The following COL5A3 variants were observed in gnomAD, a reference collection of about 807,000 sequenced individuals.
COL5A3 encodes the protein collagen alpha-3(V) chain.
Under a neutral mutation model 250.0 loss-of-function variants are expected in COL5A3, and 172 were observed. The ratio of observed to expected loss-of-function variants is 0.69; its 90% CI spans 0.61 to 0.78. The LOEUF is 0.78. Among genes scored for constraint, COL5A3 ranks in the 30% least tolerant of loss-of-function variants. COL5A3 has a pLI of 0.00. For missense variants in COL5A3, 2,340 were observed against 2,334.4 expected (o/e 1.00, Z -0.05); for synonymous variants, 937 against 900.4 (o/e 1.04, Z -0.73).
At chr19:9,996,286 C>T in intron 13 of COL5A3, 24 bp from the exon 14 acceptor site, 1 of 1,554,394 alleles carries the variant, frequency 6.4e-7, no homozygotes, top group Non-Finnish European at 8.7e-7. Flanking sequence ...GGAGTCAGAG[C>T]TTGGGGCCTC....
Position 9,969,862 on chromosome 19 carries a change from G to A in COL5A3, c.3990+7C>T. 1.2e-6 allele frequency: 2 copies of A among 1,613,864 alleles called. No homozygotes were observed. The highest frequency in any genetic ancestry group is 1.7e-6 in the Non-Finnish European group (2 of 1,179,896). On this transcript the variant is annotated splice_region_variant and intron_variant, in intron 55 of 66. Transcript: ENST00000264828. ...CAGGGACCCTTCCCCTTGCCAGGGG[G>A]ACTCACCTTGGCACCTTTCTCCCCT...
At chr19:9,990,552 A>G (rs1376919609) in intron 24 of COL5A3, among the ~76,000 whole-genome samples, 2 of 149,448 alleles carry the variant, frequency 1.3e-5, no homozygotes, top group Admixed American at 1.3e-4. Flanking sequence ...GTACCCACAA[A>G]GATAATAAAT....
chr19:9,973,729 G>A (rs368061298), intron 49 of COL5A3, 27 bp downstream of exon 49: 303 of 1,613,776 alleles, frequency 1.9e-4, no homozygotes, highest in Non-Finnish European at 2.3e-4. Flanking sequence ...TCTTCCCCCC[G>A]TGCAGCCCCT....
chr19:9,987,907 C>T (rs772529642), intron 27 of COL5A3, among the ~76,000 whole-genome samples: 2 of 152,222 alleles, frequency 1.3e-5, no homozygotes, highest in South Asian at 2.1e-4. Context: ...TATATTCCAG[C>T]CTGGGCAACA....
At chr19:9,985,217 T>G (rs528472667) in intron 31 of COL5A3, among the ~76,000 whole-genome samples, 88 of 150,602 alleles carry the variant, frequency 5.8e-4, no homozygotes, top group African/African-American at 2.0e-3. Context: ...TCCCAAAGCG[T>G]TGGGATTACA....
Position 9,974,178 on chromosome 19 carries a change from C to T in COL5A3, c.3497G>A (p.Gly1166Glu). 1 of 1,614,012 alleles carries T rather than the reference C, an allele frequency of 6.2e-7. No homozygotes were observed. Among genetic ancestry groups the T allele is most frequent in the Non-Finnish European group, 8.5e-7 (1 of 1,179,962 alleles). Residue 1166 changes from glycine (G) to glutamate (E), a missense_variant, in exon 47 of 67, where the codon GGG becomes GAG. Gly to Glu is a moderately conservative substitution (Grantham distance 98). Coordinates refer to ENST00000264828, the MANE Select transcript of COL5A3 (RefSeq NM_015719.4). Reference protein sequence around the residue: ...PGEKGEVGDVGSMGPHGAPGP... With the variant: ...PGEKGEVGDVESMGPHGAPGP... ...TCCTCTGGGAGTGCATACCATGGAC[C>T]CGACGTCTCCGACCTCCCCTTTCTC...
rs375273192 is a variant in COL5A3 at position 10,006,274 on chromosome 19, A to G, written c.89-43T>C. The G allele has an allele frequency of 9.1e-6, 14 of 1,546,228 alleles. No homozygotes were observed. In the African/African-American group the frequency reaches 1.9e-4, roughly 21 times the overall value. ...CGGGGGTGTCAGGCAGAGGTGGGGA[A>G]CAGCTAGAATAAGCCCAGGACTCCA... On this transcript the variant is annotated intron_variant, in intron 1 of 66. Transcript: ENST00000264828.
Position 9,978,898 on chromosome 19 carries a change from C to T in COL5A3, c.2957G>A (p.Gly986Glu). The T allele has an allele frequency of 1.4e-6, 2 of 1,477,920 alleles. No individual in the cohort carries two copies. The highest frequency in any genetic ancestry group is 1.5e-5 in the South Asian group (1 of 66,822). 91.6% of individuals were successfully genotyped at this position (1,477,920 alleles called of 1,614,324 possible). The change falls in exon 40 of 67, where the codon GGG (glycine) becomes GAG (glutamate). Residue 986 changes from glycine to glutamate, a missense_variant. Around this residue, in one of 3 missense-constraint regions of COL5A3, gnomAD observed 1,179 missense variants for 1,162.6 expected, o/e 1.01. Coordinates refer to ENST00000264828, the MANE Select transcript of COL5A3 (RefSeq NM_015719.4). ...GTCTCCAAAGATACTCACCGGGTCC[C>T]CAGGGCCCCCTTTGGGGCCGGGAAA... ...RGFPGPKGGP[G>E]DPGPTGLKGD...
At chr19:10,002,020 A>C in intron 6 of COL5A3, 139 bp from the exon 7 acceptor site, 1 of 621,832 alleles carries the variant, frequency 1.6e-6, no homozygotes. Context: ...CCAGAGGCCA[A>C]TGGAGACAAA....
chr19:9,977,265 G>A lies in COL5A3; in HGVS notation c.3252C>T (p.Pro1084=), dbSNP rs778448979. ...TATCGCCTTTACTCCCCTTGTGTCC[G>A]GGGGCACCCACATCCCCCTGCAGAG... ...EEGDKGDVGA[P]GHKGSKGDKG... Residue 1084 remains proline, a synonymous_variant, in exon 44 of 67, where the codon CCC becomes CCT. Transcript: ENST00000264828. 20 of 1,613,864 alleles carry A rather than the reference G, an allele frequency of 1.2e-5. No homozygotes were observed. Among genetic ancestry groups the A allele is most frequent in the South Asian group, 4.4e-5 (4 of 91,062 alleles).
At chr19:9,999,371 A>T (rs11085523) in intron 8 of COL5A3, among the ~76,000 whole-genome samples, 52,068 of 126,068 alleles carry the variant, frequency 0.41, 9,435 homozygotes, top group African/African-American at 0.55. Flanking sequence ...TTTTTATTTT[A>T]TTTTTTTGTA....
chr19:9,978,560 G>A lies in COL5A3; in HGVS notation c.3018+14C>T. 1 of 1,566,018 alleles carries A rather than the reference G, an allele frequency of 6.4e-7. No homozygotes were observed. The highest frequency in any genetic ancestry group is 8.8e-7 in the Non-Finnish European group (1 of 1,142,712). On this transcript the variant is annotated intron_variant, in intron 41 of 66. Transcript: ENST00000264828. ...TCCACCCTGCCCCCACCCAGCACAT[G>A]GGGTTATACTTACATTGGCCCCCAC... is the stretch of plus-strand genomic sequence containing the variant.
At chr19:9,983,119 T>A (rs945819718) in intron 31 of COL5A3, among the ~76,000 whole-genome samples, 2 of 151,990 alleles carry the variant, frequency 1.3e-5, no homozygotes, top group African/African-American at 4.8e-5. Flanking sequence ...CCTCAGCCTC[T>A]GAAAGTGCTG....
chr19:9,998,507 C>T (rs929300799), intron 8 of COL5A3, among the ~76,000 whole-genome samples: 4 of 152,096 alleles, frequency 2.6e-5, no homozygotes, highest in African/African-American at 4.8e-5. Context: ...GGATGAATGA[C>T]GCCTGTGTAT....
chr19:9,979,340 G>A (rs1398171917), intron 38 of COL5A3, 24 bp downstream of exon 38: 1 of 1,613,988 alleles, frequency 6.2e-7, no homozygotes, highest in African/African-American at 1.3e-5. Context: ...CAAAACAAGG[G>A]AGGTTTATGG....
At position 9,974,373 on chromosome 19, in the gene COL5A3, T is replaced by C. The variant is rs1321844926; in HGVS notation, c.3378A>G (p.Pro1126=). 2 of 1,611,018 alleles carry C rather than the reference T, an allele frequency of 1.2e-6. No individual in the cohort carries two copies. Among genetic ancestry groups the C allele is most frequent in the South Asian group, 1.1e-5 (1 of 90,596 alleles). ...ADGAQGRRGP[P]GLFGQKGDDG... Reference sequence around the variant, plus strand: ...CATCTCCTTTCTGCCCAAAGAGGCCTGGGGGTCCCCGGCGCCCCTGAGCCC... The same window carrying C: ...CATCTCCTTTCTGCCCAAAGAGGCCCGGGGGTCCCCGGCGCCCCTGAGCCC... The change falls in exon 46 of 67, where the codon CCA becomes CCG. Residue 1126 remains proline (P), a synonymous_variant. Coordinates refer to ENST00000264828, the MANE Select transcript of COL5A3 (RefSeq NM_015719.4).
intron 55 of COL5A3, 29 bp downstream of exon 55, chr19:9,969,840 G>GGACC: frequency 6.2e-7 from 1 of 1,613,088 alleles, no homozygotes; most frequent in Non-Finnish European, 8.5e-7. Context: ...AGTAGTGCAG[G>GGACC]GACCCTTCCC....
chr19:10,008,271 C>T (rs1206238360), intron 1 of COL5A3, among the ~76,000 whole-genome samples: 2 of 152,238 alleles, frequency 1.3e-5, no homozygotes, highest in African/African-American at 4.8e-5. Flanking sequence ...TCAACTACCA[C>T]TCATTTACAT....
chr19:9,992,971 C>A, intron 20 of COL5A3, 52 bp downstream of exon 20: 1 of 1,604,090 alleles, frequency 6.2e-7, no homozygotes, highest in Non-Finnish European at 8.5e-7. Context: ...CCTGGGAGTC[C>A]TGACTCCCTC....
Sources: allele counts gnomAD v4.1 joint callset (sites outside exome capture counted in the v4.1 genomes callset), GRCh38; gene constraint gnomAD v4.1.1; regional missense constraint gnomAD v4.1.1; transcripts MANE v1.5; gene names NCBI Gene and HGNC (gene_info 2026-07-23, HGNC 2026-07-21).